The following HELB variants were observed in gnomAD, a reference collection of about 807,000 sequenced individuals.
The protein encoded by HELB is DNA 5'-3' helicase B.
Under a neutral mutation model 101.7 loss-of-function variants are expected in HELB, and 96 were observed. That is an observed-to-expected ratio of 0.94 (90% CI 0.80 to 1.12). HELB has a LOEUF of 1.12. Ranked by LOEUF, HELB falls within the 50% of genes most tolerant of loss-of-function variation. HELB has a pLI of 0.00. For missense variants in HELB, 1,210 were observed against 1,291.9 expected (o/e 0.94, Z 0.97); for synonymous variants, 437 against 459.7 (o/e 0.95, Z 0.63).
Position 66,310,398 on chromosome 12 carries a change from G to T in HELB, c.1470G>T (p.Lys490Asn). Residue 490 changes from lysine to asparagine, a missense_variant, in exon 4 of 13, where the codon AAG (lysine) becomes AAT (asparagine). Lys to Asn is a moderately conservative substitution (Grantham distance 94, BLOSUM62 0). This residue lies in a region of HELB where 740 missense variants were observed against 728.8 expected (regional missense o/e 1.02). Transcript: ENST00000247815. ...CCACAATCGTTAGCCGTCTTTTTAA[G>T]CATATAGAGCAGTTGGAAGAAAGAG... Reference protein sequence around the residue: ...GKTTIVSRLFKHIEQLEEREV... With the variant: ...GKTTIVSRLFNHIEQLEEREV... 1 of 1,614,180 alleles carries T rather than the reference G, an allele frequency of 6.2e-7. No homozygotes were observed.
Position 66,331,559 on chromosome 12 carries a change from G to C in HELB, c.3076G>C (p.Asp1026His). The change falls in exon 12 of 13, where the codon GAT becomes CAT. Residue 1026 changes from aspartate to histidine, a missense_variant. Physicochemically the swap from Asp to His is moderately conservative, Grantham distance 81. This residue lies in a region of HELB where 740 missense variants were observed against 728.8 expected (regional missense o/e 1.02). Transcript: ENST00000247815. ...GCAATTATCTTCACCTGATGGAGTA[G>C]ATACAGATGATGATTTACCAAAATC... ...RWQLSSPDGV[D>H]TDDDLPKSRA... 6.2e-7 allele frequency: 1 copy of C among 1,613,858 alleles called. No homozygotes were observed. Among genetic ancestry groups the C allele is most frequent in the African/African-American group, 1.3e-5 (1 of 75,056 alleles).
chr12:66,331,799 A>G (rs1291641999), intron 12 of HELB, among the ~76,000 whole-genome samples, 154 bp downstream of exon 12: 1 of 151,934 alleles, frequency 6.6e-6, no homozygotes, highest in African/African-American at 2.4e-5. Flanking sequence ...CCCTTACCTC[A>G]CTGTCTGATT....
Position 66,324,183 on chromosome 12 carries a change from G to T in HELB, c.2498G>T (p.Cys833Phe). 1 of 1,611,802 alleles carries T rather than the reference G, an allele frequency of 6.2e-7. No individual in the cohort carries two copies. The highest frequency in any genetic ancestry group is 8.5e-7 in the Non-Finnish European group (1 of 1,178,272). The change falls in exon 10 of 13, where the codon TGC (cysteine) becomes TTC (phenylalanine). Residue 833 changes from cysteine to phenylalanine, a missense_variant. By Grantham distance (205) the Cys-to-Phe change is radical. Coordinates refer to ENST00000247815, the MANE Select transcript of HELB (RefSeq NM_001370285.1). ...KRDFESNVRL[C>F]NGEIFFITND... ...GACTTTGAAAGTAACGTTCGACTGT[G>T]CAATGGAGAGATATTTTTCATAACA...
chr12:66,311,730 TAAATTAAC>T (rs2053547352), intron 4 of HELB, among the ~76,000 whole-genome samples: 1 of 152,144 alleles, frequency 6.6e-6, no homozygotes, highest in South Asian at 2.1e-4. Flanking sequence ...AAATTTCAAA[TAAATTAAC>T]ATTCTTGAAA....
intron 12 of HELB, among the ~76,000 whole-genome samples, chr12:66,332,180 C>A (rs919142157): frequency 2.0e-5 from 3 of 152,150 alleles, no homozygotes; most frequent in African/African-American, 4.8e-5. Context: ...ACTCTCTTTT[C>A]CAATTTCTCC....
intron 12 of HELB, among the ~76,000 whole-genome samples, chr12:66,336,332 G>A (rs1399443016): frequency 6.6e-5 from 10 of 152,086 alleles, no homozygotes; most frequent in African/African-American, 2.2e-4. Flanking sequence ...TAACCCAAAG[G>A]CATTTGCTTT....
In HELB at chr12:66,310,354, A is replaced by G. The variant is rs966836203; in HGVS notation, c.1426A>G (p.Lys476Glu). The G allele has an allele frequency of 2.5e-6, 4 of 1,614,060 alleles. No individual in the cohort carries two copies. In the African/African-American group the frequency reaches 4.0e-5, roughly 16 times the overall value. ...CAATCCTGTGACAGTCATAAGTGGG[A>G]AAGGTGGATGTGGGAAGACCACAAT... ...CSNPVTVISG[K>E]GGCGKTTIVS... The change falls in exon 4 of 13, where the codon AAA becomes GAA. Residue 476 changes from lysine to glutamate, a missense_variant. Coordinates refer to ENST00000247815, the MANE Select transcript of HELB (RefSeq NM_001370285.1).
At chr12:66,333,842 A>G (rs2053836110) in intron 12 of HELB, among the ~76,000 whole-genome samples, 1 of 151,962 alleles carries the variant, frequency 6.6e-6, no homozygotes, top group South Asian at 2.1e-4. Context: ...GGCTGGAAGC[A>G]GTGGTGTAAT....
chr12:66,325,329 A>G (rs913421691), intron 11 of HELB, among the ~76,000 whole-genome samples: 3 of 152,156 alleles, frequency 2.0e-5, no homozygotes, highest in African/African-American at 7.2e-5. Flanking sequence ...AAACAAAGGC[A>G]TTATAGGTAA....
intron 4 of HELB, among the ~76,000 whole-genome samples, chr12:66,313,211 G>A (rs2053563514): frequency 2.7e-5 from 2 of 72,740 alleles, no homozygotes; most frequent in Non-Finnish European, 8.0e-5. Context: ...AGAAAAATTA[G>A]ATGAAGATGT....
At position 66,329,094 on chromosome 12, in the gene HELB, T is replaced by C. The variant is rs781458677; in HGVS notation, c.2671-2060T>C. Among the ~76,000 whole-genome samples the C allele has an allele frequency of 2.4e-3, 360 of 152,182 alleles. 1 individual carries two copies. The highest frequency in any genetic ancestry group is 3.9e-3 in the Non-Finnish European group (263 of 68,032). On this transcript the variant is annotated intron_variant, in intron 11 of 12. Transcript: ENST00000247815. ...TAATTAAAAGTAAATATAGGAAACT[T>C]ACTTCCTTAAGCAGTTTGACAGTTC...
At chr12:66,316,600 T>G (rs938445761) in intron 6 of HELB, among the ~76,000 whole-genome samples, 1 of 141,498 alleles carries the variant, frequency 7.1e-6, no homozygotes, top group South Asian at 2.3e-4. Flanking sequence ...ATAATAATAA[T>G]AAGCCAGGTG....
In HELB at chr12:66,307,834, C is replaced by T. The variant is rs570132053; in HGVS notation, c.777+1320C>T. On this transcript the variant is annotated intron_variant, in intron 3 of 12. Transcript: ENST00000247815. ...GCAGTCTCCACCTCCCGGGTTCAAG[C>T]GATTCTCCTGCCTCAGCTCCCGAAT... Among the ~76,000 whole-genome samples the T allele has an allele frequency of 1.6e-3, 239 of 151,382 alleles. 2 individuals carry two copies. Among genetic ancestry groups the T allele is most frequent in the African/African-American group, 5.4e-3 (224 of 41,258 alleles).
intron 8 of HELB, 108 bp downstream of exon 8, chr12:66,322,137 A>T (rs2053677499): frequency 1.8e-6 from 1 of 566,132 alleles, no homozygotes; most frequent in African/African-American, 1.9e-5. Context: ...ATCACTGTTA[A>T]TTCTCTTTCT....
chr12:66,318,426 G>A (rs1296165753), intron 6 of HELB, among the ~76,000 whole-genome samples: 1 of 152,010 alleles, frequency 6.6e-6, no homozygotes, highest in Non-Finnish European at 1.5e-5. Context: ...CTAATGTGTA[G>A]TACCATAAGT....
intron 10 of HELB, among the ~76,000 whole-genome samples, chr12:66,324,719 A>C (rs2053715441): frequency 6.6e-6 from 1 of 152,258 alleles, no homozygotes; most frequent in Non-Finnish European, 1.5e-5. Flanking sequence ...ATAGACTTCA[A>C]AATAAGAAAT....
intron 7 of HELB, among the ~76,000 whole-genome samples, chr12:66,319,438 G>A (rs1202552619): frequency 6.6e-6 from 1 of 152,160 alleles, no homozygotes; most frequent in Non-Finnish European, 1.5e-5. Flanking sequence ...GAGCTATTAC[G>A]AGGGTTGAGG....
Position 66,328,322 on chromosome 12 carries a change from G to A in HELB, c.2671-2832G>A, listed in dbSNP as rs188815674. ...CACACCTGTAATCCCAGTACTTTGGGAGGCTGAGGTGGGCAGGTCAATTGA... is the reference window on the plus strand; with the variant it reads ...CACACCTGTAATCCCAGTACTTTGGAAGGCTGAGGTGGGCAGGTCAATTGA... On this transcript the variant is annotated intron_variant, in intron 11 of 12. Transcript: ENST00000247815. Among the ~76,000 whole-genome samples, 6 of 152,320 alleles carry A rather than the reference G, an allele frequency of 3.9e-5. No homozygotes were observed. In the East Asian group the frequency reaches 9.6e-4, roughly 24 times the overall value.
Position 66,325,114 on chromosome 12 carries a change from T to G in HELB, c.2658T>G (p.Ile886Met). ...CRIKHAWART[I>M]HTFQGSEEQT... is the part of the protein sequence containing the mutation. Reference sequence around the variant, plus strand: ...TAAAACATGCATGGGCAAGAACTATTCACACTTTTCAGGTAAGAGGAGACT... The same window carrying G: ...TAAAACATGCATGGGCAAGAACTATGCACACTTTTCAGGTAAGAGGAGACT... Residue 886 changes from isoleucine to methionine, a missense_variant, in exon 11 of 13, where the codon ATT becomes ATG. By Grantham distance (10) the Ile-to-Met change is conservative. Transcript: ENST00000247815. 1 of 1,604,036 alleles carries G rather than the reference T, an allele frequency of 6.2e-7. No individual in the cohort carries two copies. The highest frequency in any genetic ancestry group is 1.1e-5 in the South Asian group (1 of 90,402).
Sources: gnomAD v4.1 joint callset for allele counts (sites outside exome capture counted in the v4.1 genomes callset) on GRCh38, gnomAD v4.1.1 for gene constraint, gnomAD v4.1.1 regional missense constraint, MANE v1.5 for transcripts, NCBI Gene and HGNC (gene_info 2026-07-23, HGNC 2026-07-21) for gene names.